Variants in SAXO1 observed in about 807,000 individuals in gnomAD.
SAXO1 encodes 4930500O09Rik.
A neutral mutation model predicts 17.5 loss-of-function variants in SAXO1; 21 were observed. The ratio of observed to expected loss-of-function variants is 1.20; its 90% confidence interval spans 0.85 to 1.72. The LOEUF (loss-of-function observed/expected upper bound fraction) is 1.72. Among genes scored for constraint, SAXO1 ranks in the 40% most tolerant of loss-of-function variants. SAXO1 has a pLI of 0.00. For synonymous variants in SAXO1, 274 were observed against 216.5 expected (o/e 1.27, Z -2.33); for missense variants, 843 against 596.0 (o/e 1.41, Z -4.32).
chr9:18,962,217 G>A (rs1216795320), intron 1 of SAXO1, among the ~76,000 whole-genome samples: 1 of 152,114 alleles, frequency 6.6e-6, no homozygotes, highest in East Asian at 1.9e-4. Context: ...ATAGGCATGT[G>A]CCACCACACC....
At chr9:18,948,083 T>C (rs1005091208) in intron 2 of SAXO1, among the ~76,000 whole-genome samples, 11 of 152,176 alleles carry the variant, frequency 7.2e-5, no homozygotes. Context: ...GTGACGACAA[T>C]CTGCACAGAC....
intron 3 of SAXO1, among the ~76,000 whole-genome samples, chr9:18,935,194 G>C (rs1001633014): frequency 4.6e-5 from 7 of 152,148 alleles, no homozygotes; most frequent in South Asian, 2.1e-4. Flanking sequence ...GATTATAGAC[G>C]TGAGCCACCT....
At chr9:18,999,246 A>G (rs536875520) in intron 1 of SAXO1, among the ~76,000 whole-genome samples, 1 of 152,344 alleles carries the variant, frequency 6.6e-6, no homozygotes, top group East Asian at 1.9e-4. Context: ...GCTTAAAATA[A>G]AGGGATGGAG....
intron 1 of SAXO1, among the ~76,000 whole-genome samples, chr9:18,965,330 A>G (rs1563948515): frequency 6.6e-6 from 1 of 151,134 alleles, no homozygotes; most frequent in Non-Finnish European, 1.5e-5. Flanking sequence ...TGTCTTGTTG[A>G]CCTAATATTG....
At chr9:19,009,630 G>C (rs556303478) in intron 1 of SAXO1, among the ~76,000 whole-genome samples, 52 of 152,168 alleles carry the variant, frequency 3.4e-4, no homozygotes, top group Non-Finnish European at 6.5e-4. Flanking sequence ...ACAAGCATCA[G>C]GGAAAATTGA....
chr9:18,954,668 G>T (rs528686396), intron 1 of SAXO1, among the ~76,000 whole-genome samples: 1 of 150,606 alleles, frequency 6.6e-6, no homozygotes, highest in Non-Finnish European at 1.5e-5. Flanking sequence ...TTGAAAGGGG[G>T]CATGGGAAAT....
At chr9:18,969,411 G>A (rs796882843) in intron 1 of SAXO1, among the ~76,000 whole-genome samples, 7 of 152,252 alleles carry the variant, frequency 4.6e-5, no homozygotes, top group African/African-American at 1.7e-4. Flanking sequence ...CCCAACAGCT[G>A]TGCTAAACAA....
intron 3 of SAXO1, among the ~76,000 whole-genome samples, chr9:18,939,362 G>C (rs1244786709): frequency 6.6e-6 from 1 of 152,242 alleles, no homozygotes; most frequent in Non-Finnish European, 1.5e-5. Flanking sequence ...CCTGCTGTGA[G>C]AGGGTAATTG....
At chr9:18,962,772 T>C (rs978831182) in intron 1 of SAXO1, among the ~76,000 whole-genome samples, 20 of 152,242 alleles carry the variant, frequency 1.3e-4, no homozygotes, top group African/African-American at 4.6e-4. Context: ...ACTCTAATGA[T>C]AGTTTCTTTT....
chr9:18,947,048 C>G (rs1831825878), intron 2 of SAXO1, among the ~76,000 whole-genome samples: 2 of 152,122 alleles, frequency 1.3e-5, no homozygotes, highest in Non-Finnish European at 1.5e-5. Flanking sequence ...AAAATGTCTA[C>G]AAATTTACTC....
chr9:18,998,770 C>A (rs1347156556), intron 1 of SAXO1, among the ~76,000 whole-genome samples: 7 of 152,190 alleles, frequency 4.6e-5, no homozygotes, highest in Non-Finnish European at 8.8e-5. Flanking sequence ...GATATCTCTG[C>A]AGAAACCCTA....
intron 1 of SAXO1, among the ~76,000 whole-genome samples, chr9:18,975,481 AT>A (rs1445029531): frequency 6.6e-6 from 1 of 152,228 alleles, no homozygotes; most frequent in Non-Finnish European, 1.5e-5. Flanking sequence ...CTGAAATGGA[AT>A]CATTTGCCCT....
rs1346004950 is a variant in SAXO1 at position 18,950,894 on chromosome 9, T to G, written c.82A>C (p.Thr28Pro). 6.2e-7 allele frequency: 1 copy of G among 1,613,524 alleles called. No homozygotes were observed. The highest frequency in any genetic ancestry group is 1.7e-5 in the Admixed American group (1 of 60,012). Residue 28 changes from threonine to proline, a missense_variant, in exon 2 of 4, where the codon ACA becomes CCA. Thr to Pro is a conservative substitution (Grantham distance 38). Transcript: ENST00000380534. ...TCGGAGAGAAGACATGGTTTCTCTG[T>G]TTTATCATAAATCTTGGTAGGGAGA... ...PHLPTKIYDKTEKPCLLSEYT... is the reference protein window; with the variant it reads ...PHLPTKIYDKPEKPCLLSEYT...
Position 18,929,030 on chromosome 9 carries a change from T to A in SAXO1, c.447A>T (p.Pro149=). The A allele has an allele frequency of 1.2e-6, 2 of 1,614,144 alleles. No individual in the cohort carries two copies. The highest frequency in any genetic ancestry group is 1.3e-5 in the African/African-American group (1 of 75,034). ...GTTCCAGACGAAGTGGCTCTCGCCT[T>A]GGTTGGTTCCAAGGCAAATAATCAG... ...YKADYLPWNQ[P]RREPLRLEHK... The change falls in exon 4 of 4, where the codon CCA becomes CCT. Residue 149 remains proline, a synonymous_variant. Coordinates refer to ENST00000380534, the MANE Select transcript of SAXO1 (RefSeq NM_153707.4).
chr9:18,983,363 T>C (rs1833473280), intron 1 of SAXO1, among the ~76,000 whole-genome samples: 4 of 152,086 alleles, frequency 2.6e-5, no homozygotes, highest in Admixed American at 1.3e-4. Flanking sequence ...GAGAACAGCA[T>C]GGGGGAAACC....
At chr9:19,041,042 A>T (rs1836066556) in intron 1 of SAXO1, among the ~76,000 whole-genome samples, 1 of 152,052 alleles carries the variant, frequency 6.6e-6, no homozygotes, top group African/African-American at 2.4e-5. Flanking sequence ...TATTTGGAAA[A>T]ACCTAAAGGC....
Position 18,984,989 on chromosome 9 carries a change from A to C in SAXO1, c.39-34052T>G, listed in dbSNP as rs1047737231. 2.6e-5 allele frequency among the ~76,000 whole-genome samples: 4 copies of C among 152,136 alleles called. No individual in the cohort carries two copies. In the South Asian group the frequency reaches 8.3e-4, roughly 32 times the overall value. On this transcript the variant is annotated intron_variant, in intron 1 of 3. Transcript: ENST00000380534. ...GCACTTAGAAACCACTAAGTGCTTT[A>C]ATTGCCCTAATTTCAATTATTTGTA...
intron 1 of SAXO1, among the ~76,000 whole-genome samples, chr9:19,014,791 A>C (rs867060524): frequency 5.2e-4 from 79 of 152,298 alleles, no homozygotes; most frequent in Admixed American, 4.3e-3. Context: ...ATGTTGGACA[A>C]CATCCAACCA....
chr9:18,944,379 ACATAACTG>A (rs1279048630), intron 2 of SAXO1, among the ~76,000 whole-genome samples: 1 of 152,230 alleles, frequency 6.6e-6, no homozygotes, highest in African/African-American at 2.4e-5. Context: ...ATTAACCGCA[ACATAACTG>A]CATGTCCCCA....
Sources: allele counts gnomAD v4.1 joint callset (sites outside exome capture counted in the v4.1 genomes callset), GRCh38; gene constraint gnomAD v4.1.1; transcripts MANE v1.5; gene names NCBI Gene and HGNC (gene_info 2026-07-23, HGNC 2026-07-21).